The following HS3ST5 variants were observed in gnomAD, a reference collection of about 807,000 sequenced individuals.
The protein encoded by HS3ST5 is heparan sulfate-glucosamine 3-sulfotransferase 5.
HS3ST5 carries 10 observed loss-of-function variants against 25.4 expected under a neutral mutation model. The observed-to-expected ratio is 0.39, with a 90% CI of 0.24 to 0.67. HS3ST5 has a LOEUF of 0.67. HS3ST5 is among the 30% of genes least tolerant of loss of function. HS3ST5 has a pLI of 0.44. For synonymous variants in HS3ST5, 170 were observed against 162.4 expected (o/e 1.05, Z -0.36); for missense variants, 324 against 420.7 (o/e 0.77, Z 2.01).
intron 1 of HS3ST5, chr6:114,230,123 C>CTT (rs910225173): frequency 0.026 from 1,941 of 75,970 alleles, 70 homozygotes; most frequent in Middle Eastern, 0.041. Context: ...TGGAACTTGC[C>CTT]TTTTTTTTTT....
intron 1 of HS3ST5, among the ~76,000 whole-genome samples, chr6:114,235,132 A>C (rs901955286): frequency 4.6e-5 from 7 of 152,144 alleles, no homozygotes; most frequent in Non-Finnish European, 8.8e-5. Context: ...CAACAAAACA[A>C]AACAAACAAC....
intron 3 of HS3ST5, among the ~76,000 whole-genome samples, chr6:114,095,949 C>A (rs1775402132): frequency 6.6e-6 from 1 of 152,054 alleles, no homozygotes; most frequent in South Asian, 2.1e-4. Context: ...CAGTATAGTT[C>A]CTGGGGCATA....
At chr6:114,146,584 G>C (rs1311208137) in intron 3 of HS3ST5, among the ~76,000 whole-genome samples, 1 of 152,208 alleles carries the variant, frequency 6.6e-6, no homozygotes, top group Non-Finnish European at 1.5e-5. Context: ...GGGCAGGGAG[G>C]CTGTTCCTAA....
intron 2 of HS3ST5, among the ~76,000 whole-genome samples, chr6:114,175,366 T>A (rs1163149596): frequency 6.6e-6 from 1 of 152,188 alleles, no homozygotes; most frequent in Non-Finnish European, 1.5e-5. Flanking sequence ...GAGACTTAAA[T>A]CTAATGAAGC....
chr6:114,143,509 G>A (rs564508738), intron 3 of HS3ST5: 2 of 152,296 alleles, frequency 1.3e-5, no homozygotes, highest in Admixed American at 6.5e-5. Flanking sequence ...AGCATTTGGG[G>A]TGTGAAAGTT....
At chr6:114,247,657 A>G (rs1772443188) in intron 1 of HS3ST5, among the ~76,000 whole-genome samples, 1 of 151,952 alleles carries the variant, frequency 6.6e-6, no homozygotes, top group Admixed American at 6.6e-5. Flanking sequence ...AAGAGACTCC[A>G]TGGGGTTAAG....
chr6:114,071,814 G>T (rs545545400), intron 3 of HS3ST5, among the ~76,000 whole-genome samples: 1 of 151,916 alleles, frequency 6.6e-6, no homozygotes, highest in Non-Finnish European at 1.5e-5. Flanking sequence ...GCCTAGATTC[G>T]CTGATTGTTA....
intron 3 of HS3ST5, among the ~76,000 whole-genome samples, chr6:114,139,183 T>G (rs183598398): frequency 3.9e-5 from 6 of 152,306 alleles, no homozygotes; most frequent in African/African-American, 1.2e-4. Flanking sequence ...TTGTTCTCAC[T>G]GCAGTGACTG....
At chr6:114,065,293 T>A (rs1582557235) in intron 3 of HS3ST5, among the ~76,000 whole-genome samples, 2 of 152,244 alleles carry the variant, frequency 1.3e-5, no homozygotes, top group Admixed American at 6.5e-5. Context: ...ACCTATGTAA[T>A]GTGATTCAGA....
rs569988687 is a variant in HS3ST5, at chr6:114,208,069, A to G, written c.-145+20516T>C. ...TACTTCACGGTTAACCAAATAATTC[A>G]TAATAACCTAAGTAGATAATGATGA... On this transcript the variant is annotated intron_variant, in intron 2 of 4. Coordinates refer to ENST00000312719, the MANE Select transcript of HS3ST5 (RefSeq NM_153612.4). Among the ~76,000 whole-genome samples, 28 of 152,336 alleles carry G rather than the reference A, an allele frequency of 1.8e-4. No homozygotes were observed. The South Asian group carries it at 5.8e-3, about 32-fold the overall frequency.
rs558967555 is a variant in HS3ST5, at chr6:114,118,563, A to G, written c.-33+49788T>C. On this transcript the variant is annotated intron_variant, in intron 3 of 4. Transcript: ENST00000312719. ...TATTCTCATTTCTCTACTCAAGAAT[A>G]TATAGTGAACAAATAAAGTAAATTT... 3.9e-5 allele frequency among the ~76,000 whole-genome samples: 6 copies of G among 152,364 alleles called. No individual in the cohort carries two copies. In the South Asian group the frequency reaches 1.0e-3, roughly 26 times the overall value.
chr6:114,058,089 T>C lies in HS3ST5; in HGVS notation c.209A>G (p.Glu70Gly), dbSNP rs750769226. The change falls in exon 5 of 5, where the codon GAG (glutamate) becomes GGG (glycine). Residue 70 changes from glutamate to glycine, a missense_variant. Glu to Gly is a moderately conservative substitution (Grantham distance 98, BLOSUM62 -2). Around this residue, in one of 2 missense-constraint regions of HS3ST5, gnomAD observed 121 missense variants for 117.3 expected, o/e 1.03. Transcript: ENST00000312719. ...ALQFKRGLLHEFRKGNASKEQ... is the reference protein window; with the variant it reads ...ALQFKRGLLHGFRKGNASKEQ... ...CTTGGAAGCGTTGCCCTTCCGGAAC[T>C]CGTGCAGCAGGCCACGCTTAAACTG... The C allele has an allele frequency of 2.3e-5, 37 of 1,614,022 alleles. No homozygotes were observed. Among genetic ancestry groups the C allele is most frequent in the Non-Finnish European group, 3.1e-5 (36 of 1,180,016 alleles).
intron 2 of HS3ST5, among the ~76,000 whole-genome samples, chr6:114,209,439 A>T (rs1372695416): frequency 1.3e-5 from 2 of 151,120 alleles, no homozygotes; most frequent in Non-Finnish European, 3.0e-5. Context: ...TCTTTTTTTT[A>T]AAGTTTCTTC....
intron 1 of HS3ST5, among the ~76,000 whole-genome samples, chr6:114,246,908 C>A (rs1032194881): frequency 6.6e-6 from 1 of 152,166 alleles, no homozygotes; most frequent in Admixed American, 6.5e-5. Flanking sequence ...ACAGAAAAAA[C>A]CAACTTTGAG....
chr6:114,236,443 A>T (rs1048095423), intron 1 of HS3ST5, among the ~76,000 whole-genome samples: 7 of 152,174 alleles, frequency 4.6e-5, no homozygotes, highest in Admixed American at 2.6e-4. Context: ...GTTTTTTCTC[A>T]TTTAAATGTT....
chr6:114,242,460 A>G (rs903044880), intron 1 of HS3ST5, among the ~76,000 whole-genome samples: 2 of 152,196 alleles, frequency 1.3e-5, no homozygotes, highest in African/African-American at 2.4e-5. Flanking sequence ...GACACTACCT[A>G]AATGTATACT....
intron 3 of HS3ST5, among the ~76,000 whole-genome samples, chr6:114,075,239 A>T (rs2114744949): frequency 6.6e-6 from 1 of 152,344 alleles, no homozygotes; most frequent in South Asian, 2.1e-4. Context: ...ATTCAGGGTG[A>T]TGTGGCTGTA....
At chr6:114,182,621 G>C (rs1363504423) in intron 2 of HS3ST5, among the ~76,000 whole-genome samples, 1 of 152,046 alleles carries the variant, frequency 6.6e-6, no homozygotes, top group Non-Finnish European at 1.5e-5. Flanking sequence ...TAGAATCAGT[G>C]GAATTAGTCT....
At chr6:114,091,665 A>G (rs963169431) in intron 3 of HS3ST5, among the ~76,000 whole-genome samples, 2 of 152,032 alleles carry the variant, frequency 1.3e-5, no homozygotes, top group African/African-American at 4.8e-5. Flanking sequence ...CCTGGGTGAC[A>G]GAGCGAGACT....
Sources: gnomAD v4.1 joint callset for allele counts (sites outside exome capture counted in the v4.1 genomes callset) on GRCh38, gnomAD v4.1.1 for gene constraint, gnomAD v4.1.1 regional missense constraint, MANE v1.5 for transcripts, NCBI Gene and HGNC (gene_info 2026-07-23, HGNC 2026-07-21) for gene names.